Variants in RPL27A observed in about 807,000 individuals in gnomAD.
RPL27A encodes ribosomal protein L27a.
For synonymous variants in RPL27A, 69 were observed against 68.3 expected (o/e 1.01, Z -0.05); for missense variants, 118 against 189.4 (o/e 0.62, Z 2.21).
In RPL27A at chr11:8,684,892, G is replaced by C. The variant is rs148192701; in HGVS notation, c.318G>C (p.Ser106=). 4.3e-6 allele frequency: 7 copies of C among 1,613,938 alleles called. No individual in the cohort carries two copies. The highest frequency in any genetic ancestry group is 4.2e-6 in the Non-Finnish European group (5 of 1,179,966). The part of the protein sequence containing the change: ...GAAPIIDVVR[S]GYYKVLGKGK... ...CTCCCATCATTGATGTGGTGCGATC[G>C]GTAAGTTAATTGGATGTTTTTCTGT... Residue 106 remains serine (S), a splice_region_variant and synonymous_variant, in exon 4 of 5, where the codon TCG becomes TCC. Transcript: ENST00000314138.
intron 3 of RPL27A, 70 bp from the exon 4 acceptor site, chr11:8,684,648 T>G (rs1592237058): frequency 7.5e-7 from 1 of 1,330,242 alleles, no homozygotes; most frequent in East Asian, 2.3e-5. Context: ...TAGGGGGTGG[T>G]AACTATAAAG....
At chr11:8,683,924 TA>T (rs749617866) in intron 2 of RPL27A, 81 bp from the exon 3 acceptor site, 1 of 1,095,068 alleles carries the variant, frequency 9.1e-7, no homozygotes. Flanking sequence ...TCAGGTGATC[TA>T]CCCCCCCTCG....
At chr11:8,685,495 G>A (rs771410517) in intron 4 of RPL27A, 183 bp from the exon 5 acceptor site, 20 of 751,520 alleles carry the variant, frequency 2.7e-5, no homozygotes, top group Admixed American at 8.6e-5. Context: ...TAGAGTACTC[G>A]AAGAGAATCT....
chr11:8,684,441 A>G (rs981029089), intron 3 of RPL27A: 8 of 713,382 alleles, frequency 1.1e-5, no homozygotes, highest in African/African-American at 1.0e-4. Context: ...TAGATTTTCC[A>G]TAGAGTGCTG....
chr11:8,685,356 A>G (rs1004506457), intron 4 of RPL27A: 3 of 566,178 alleles, frequency 5.3e-6, no homozygotes, highest in East Asian at 4.5e-5. Context: ...TTTAATGTCC[A>G]TTGAGTAGTT....
chr11:8,684,130 C>T, intron 3 of RPL27A, 49 bp downstream of exon 3: 1 of 1,481,072 alleles, frequency 6.8e-7, no homozygotes. Flanking sequence ...GAGGTAGGGG[C>T]AGAGAGAGGG....
rs11541341 is a variant in RPL27A at position 8,685,708 on chromosome 11, C to T, written c.349C>T (p.Leu117Phe). 4.3e-5 allele frequency: 69 copies of T among 1,614,196 alleles called. No individual in the cohort carries two copies. Among genetic ancestry groups the T allele is most frequent in the African/African-American group, 8.0e-5 (6 of 75,058 alleles). The change falls in exon 5 of 5, where the codon CTC becomes TTC. Residue 117 changes from leucine (L) to phenylalanine (F), a missense_variant. Leu to Phe is a conservative substitution (Grantham distance 22). Transcript: ENST00000314138. ...CTACAAAGTTCTGGGAAAGGGAAAG[C>T]TCCCAAAGCAGCCTGTCATCGTGAA... ...GYYKVLGKGK[L>F]PKQPVIVKAK... is the part of the protein sequence containing the mutation.
chr11:8,683,310 G>A (rs1353307133), intron 2 of RPL27A, 45 bp downstream of exon 2: 1 of 1,551,678 alleles, frequency 6.4e-7, no homozygotes, highest in Admixed American at 1.7e-5. Flanking sequence ...GCTCTCTTCG[G>A]GTGCTTAGCT....
rs1432622921 is a variant in RPL27A at position 8,687,002 on chromosome 11, G to A, written c.*1196G>A. On this transcript the variant is annotated 3_prime_UTR_variant, in exon 5 of 5. Transcript: ENST00000314138. ...AGCCGAGAACCATGGCTGTCTATGG[G>A]ACACATCTGTCAGGACAACCTTTAG... The A allele has an allele frequency of 6.6e-6, 1 of 152,200 alleles. No homozygotes were observed. The highest frequency in any genetic ancestry group is 1.5e-5 in the Non-Finnish European group (1 of 68,036). 9.4% of individuals were successfully genotyped at this position (152,200 alleles called of 1,614,324 possible).
At position 8,684,091 on chromosome 11, in the gene RPL27A, C is replaced by A. The variant is rs763951496; in HGVS notation, c.143+10C>A. 28 of 1,609,330 alleles carry A rather than the reference C, an allele frequency of 1.7e-5. 1 individual carries two copies. The South Asian group carries it at 3.1e-4, about 18-fold the overall frequency. On this transcript the variant is annotated intron_variant, in intron 3 of 4. Transcript: ENST00000314138. ...TCAACTTCGACAAATAGTAAGTGTC[C>A]TTGGACTGCTTTTATTGACACAGCT...
rs2039595267 is a variant in RPL27A at position 8,687,320 on chromosome 11, A to AG, written c.*1516dup. Reference sequence around the variant, plus strand: ...AGGCTGAGCCAGGAGAATCTCCAGGAGGCGGAGGTTGCTGTGAGCCGAGAT... The same window carrying AG: ...AGGCTGAGCCAGGAGAATCTCCAGGAGGGCGGAGGTTGCTGTGAGCCGAGAT... On this transcript the variant is annotated 3_prime_UTR_variant, in exon 5 of 5. Coordinates refer to ENST00000314138, the MANE Select transcript of RPL27A (RefSeq NM_000990.5). 1 of 146,288 alleles carries AG rather than the reference A, an allele frequency of 6.8e-6. No homozygotes were observed. Among genetic ancestry groups the AG allele is most frequent in the African/African-American group, 2.5e-5 (1 of 39,906 alleles). 9.1% of individuals were successfully genotyped at this position (146,288 alleles called of 1,614,324 possible).
rs556076733 is a variant in RPL27A at position 8,688,903 on chromosome 11, C to T, written c.*3097C>T. 6.6e-6 allele frequency: 1 copy of T among 152,416 alleles called. No individual in the cohort carries two copies. The highest frequency in any genetic ancestry group is 6.5e-5 in the Admixed American group (1 of 15,310). 9.4% of individuals were successfully genotyped at this position (152,416 alleles called of 1,614,324 possible). A position where few individuals can be genotyped will look rare whatever the true frequency, so the allele number is the denominator to read the frequency against. On this transcript the variant is annotated 3_prime_UTR_variant, in exon 5 of 5. Coordinates refer to ENST00000314138, the MANE Select transcript of RPL27A (RefSeq NM_000990.5). ...TCCATCGGCCGCGTTCATCAGTCAG[C>T]ACGACCCGACCTCAGTGGCGTCCTC...
intron 4 of RPL27A, 49 bp from the exon 5 acceptor site, chr11:8,685,629 G>A (rs1188412874): frequency 5.0e-6 from 8 of 1,608,180 alleles, no homozygotes; most frequent in Non-Finnish European, 6.8e-6. Context: ...CCATCACGCA[G>A]TTGGTACCTA....
Position 8,689,489 on chromosome 11 carries a change from T to C in RPL27A, c.*3683T>C, listed in dbSNP as rs544916740. Reference sequence around the variant, plus strand: ...TGCGTATTTTCATATTGAGAGGCAATATAAATGGAGCGAAAGTATCTTGAG... The same window carrying C: ...TGCGTATTTTCATATTGAGAGGCAACATAAATGGAGCGAAAGTATCTTGAG... On this transcript the variant is annotated 3_prime_UTR_variant, in exon 5 of 5. Coordinates refer to ENST00000314138, the MANE Select transcript of RPL27A (RefSeq NM_000990.5). 6.6e-6 allele frequency: 1 copy of C among 151,078 alleles called. No homozygotes were observed. Among genetic ancestry groups the C allele is most frequent in the African/African-American group, 2.4e-5 (1 of 41,100 alleles). 9.4% of individuals were successfully genotyped at this position (151,078 alleles called of 1,614,324 possible).
At position 8,684,889 on chromosome 11, in the gene RPL27A, A is replaced by G. The variant is rs11541342; in HGVS notation, c.315A>G (p.Arg105=). Reference sequence around the variant, plus strand: ...CTGCTCCCATCATTGATGTGGTGCGATCGGTAAGTTAATTGGATGTTTTTC... The same window carrying G: ...CTGCTCCCATCATTGATGTGGTGCGGTCGGTAAGTTAATTGGATGTTTTTC... ...TGAAPIIDVV[R]SGYYKVLGKG... The change falls in exon 4 of 5, where the codon CGA becomes CGG. Residue 105 remains arginine (R), a synonymous_variant. Coordinates refer to ENST00000314138, the MANE Select transcript of RPL27A (RefSeq NM_000990.5). 6.2e-7 allele frequency: 1 copy of G among 1,614,196 alleles called. No individual in the cohort carries two copies. The highest frequency in any genetic ancestry group is 8.5e-7 in the Non-Finnish European group (1 of 1,180,002).
intron 3 of RPL27A, chr11:8,684,350 G>C (rs1487617075): frequency 1.4e-6 from 1 of 733,064 alleles, no homozygotes; most frequent in African/African-American, 1.7e-5. Context: ...CCAGGTTAGA[G>C]ACATGCTTCA....
rs2039596077 is a variant in RPL27A at position 8,687,388 on chromosome 11, G to GGCCCCC, written c.*1582_*1583insGCCCCC. The GGCCCCC allele has an allele frequency of 4.1e-5, 3 of 73,324 alleles. No individual in the cohort carries two copies. The highest frequency in any genetic ancestry group is 1.6e-4 in the Admixed American group (1 of 6,126). The allele number at this position is 73,324 out of a possible 1,614,324, so 4.5% of individuals were successfully genotyped here. On this transcript the variant is annotated 3_prime_UTR_variant, in exon 5 of 5. Transcript: ENST00000314138. ...GCTTGGGCAACAAGAGTGAAACTCT[G>GGCCCCC]TCCACCCCCCCCAAAAAAAGTAAGG...
At position 8,688,512 on chromosome 11, in the gene RPL27A, A is replaced by G. The variant is rs920740512; in HGVS notation, c.*2706A>G. The G allele has an allele frequency of 5.3e-5, 8 of 152,298 alleles. No homozygotes were observed. Among genetic ancestry groups the G allele is most frequent in the African/African-American group, 1.9e-4 (8 of 41,556 alleles). 9.4% of individuals were successfully genotyped at this position (152,298 alleles called of 1,614,324 possible). A position where few individuals can be genotyped will look rare whatever the true frequency, so the allele number is the denominator to read the frequency against. On this transcript the variant is annotated 3_prime_UTR_variant, in exon 5 of 5. Transcript: ENST00000314138. ...TTCTTGAACCCGCATTTACTAAAAT[A>G]TTTTCATGACTGCCAAGCTTTGAAT...
At chr11:8,685,614 C>G in intron 4 of RPL27A, 64 bp from the exon 5 acceptor site, 1 of 1,579,772 alleles carries the variant, frequency 6.3e-7, no homozygotes, top group Non-Finnish European at 8.7e-7. Flanking sequence ...AGTCTTTCCT[C>G]ACGCCCATCA....
Sources: allele counts gnomAD v4.1 joint callset, GRCh38; gene constraint gnomAD v4.1.1; transcripts MANE v1.5; gene names NCBI Gene and HGNC (gene_info 2026-07-23, HGNC 2026-07-21).